The following PCDHA11 variants were observed in gnomAD, a reference collection of about 807,000 sequenced individuals.
PCDHA11 encodes the protein protocadherin alpha-11.
Under a neutral mutation model 70.3 loss-of-function variants are expected in PCDHA11, and 61 were observed. That is an observed-to-expected ratio of 0.87 (90% CI 0.71 to 1.07). PCDHA11 has a LOEUF of 1.07. Ranked by LOEUF, PCDHA11 falls within the 50% of genes least tolerant of loss-of-function variation. PCDHA11 has a pLI of 0.00. For synonymous variants in PCDHA11, 633 were observed against 555.1 expected (o/e 1.14, Z -1.97); for missense variants, 1,324 against 1,237.5 (o/e 1.07, Z -1.05).
At chr5:140,977,448 CTCCTT>C (rs1554238572) in intron 1 of PCDHA11, among the ~76,000 whole-genome samples, 2 of 152,212 alleles carry the variant, frequency 1.3e-5, no homozygotes, top group Non-Finnish European at 2.9e-5. Context: ...ATAATGGAAA[CTCCTT>C]TGATTTGGTC....
Position 140,869,853 on chromosome 5 carries a change from C to T in PCDHA11, c.750C>T (p.Ser250=). 1.2e-6 allele frequency: 2 copies of T among 1,610,606 alleles called. No homozygotes were observed. The highest frequency in any genetic ancestry group is 2.2e-5 in the South Asian group (2 of 90,642). ...TTGATAAATCAGAATATAAGGTGAG[C>T]CTTATGGAAAATGCTGCTAAAGAAA... ...PEFDKSEYKV[S]LMENAAKETL... Residue 250 remains serine (S), a synonymous_variant, in exon 1 of 4, where the codon AGC becomes AGT. Coordinates refer to ENST00000398640, the MANE Select transcript of PCDHA11 (RefSeq NM_018902.5).
At position 140,883,407 on chromosome 5, in the gene PCDHA11, G is replaced by C. The variant is rs2059598150; in HGVS notation, c.2391+11913G>C. On this transcript the variant is annotated intron_variant, in intron 1 of 3. Coordinates refer to ENST00000398640, the MANE Select transcript of PCDHA11 (RefSeq NM_018902.5). The stretch of plus-strand genomic sequence containing the variant: ...ATCAGTGTGTCCGATCGTGACTCTG[G>C]CTCAAATGGACAGGTCACCTGCACC... The C allele has an allele frequency of 1.9e-6, 3 of 1,614,170 alleles. No homozygotes were observed. In the East Asian group the frequency reaches 6.7e-5, roughly 36 times the overall value.
At chr5:140,943,613 C>G (rs1490811039) in intron 1 of PCDHA11, among the ~76,000 whole-genome samples, 1 of 152,026 alleles carries the variant, frequency 6.6e-6, no homozygotes, top group African/African-American at 2.4e-5. Context: ...GACTTTGATT[C>G]ATCTGCATAA....
chr5:140,948,281 T>C (rs1375756050), intron 1 of PCDHA11, among the ~76,000 whole-genome samples: 1 of 151,620 alleles, frequency 6.6e-6, no homozygotes, highest in Non-Finnish European at 1.5e-5. Context: ...TATCTGTAAA[T>C]AATTTTGTAA....
intron 1 of PCDHA11, chr5:140,877,371 G>T: frequency 6.2e-7 from 1 of 1,613,994 alleles, no homozygotes; most frequent in Non-Finnish European, 8.5e-7. Flanking sequence ...AGATCAGCAC[G>T]ACACGCATCC....
Position 140,907,813 on chromosome 5 carries a change from G to A in PCDHA11, c.2391+36319G>A, listed in dbSNP as rs192249919. On this transcript the variant is annotated intron_variant, in intron 1 of 3. Coordinates refer to ENST00000398640, the MANE Select transcript of PCDHA11 (RefSeq NM_018902.5). ...AGAGGCTAAGTGGTGTCCACAGAACGAGTCATCCTATCCACTTGTTTATTA... is the reference window on the plus strand; with the variant it reads ...AGAGGCTAAGTGGTGTCCACAGAACAAGTCATCCTATCCACTTGTTTATTA... Among the ~76,000 whole-genome samples the A allele has an allele frequency of 2.7e-3, 406 of 152,332 alleles. 1 individual carries two copies. The highest frequency in any genetic ancestry group is 9.3e-3 in the African/African-American group (387 of 41,574).
chr5:141,010,432 CAA>C lies in PCDHA11; in HGVS notation c.*497_*498del. The C allele has an allele frequency of 8.5e-6, 9 of 1,056,970 alleles. No individual in the cohort carries two copies. The highest frequency in any genetic ancestry group is 1.2e-5 in the Non-Finnish European group (9 of 756,282). 65.5% of individuals were successfully genotyped at this position (1,056,970 alleles called of 1,614,324 possible). A position where few individuals can be genotyped will look rare whatever the true frequency, so the allele number is the denominator to read the frequency against. On this transcript the variant is annotated 3_prime_UTR_variant, in exon 4 of 4. Coordinates refer to ENST00000398640, the MANE Select transcript of PCDHA11 (RefSeq NM_018902.5). Reference sequence around the variant, plus strand: ...AATTGGTACAAGGAAGGCAAGAAAACAAAGACAAATAAACAGCGGAAGTTATC... The same window carrying C: ...AATTGGTACAAGGAAGGCAAGAAAACAGACAAATAAACAGCGGAAGTTATC...
intron 1 of PCDHA11, chr5:140,876,583 C>T: frequency 1.9e-6 from 3 of 1,614,194 alleles, no homozygotes; most frequent in Non-Finnish European, 2.5e-6. Flanking sequence ...CGTCATTGCC[C>T]TGATTAGCGT....
At chr5:140,971,918 G>A (rs1297848346) in intron 1 of PCDHA11, among the ~76,000 whole-genome samples, 1 of 152,082 alleles carries the variant, frequency 6.6e-6, no homozygotes, top group Non-Finnish European at 1.5e-5. Context: ...CAGCCACACT[G>A]CTAGTGTTAT....
At position 140,982,388 on chromosome 5, in the gene PCDHA11, A is replaced by G. The variant is rs868944535; in HGVS notation, c.2451-87A>G. 32 of 1,592,320 alleles carry G rather than the reference A, an allele frequency of 2.0e-5. 1 individual carries two copies. The Middle Eastern group carries it at 4.6e-3, about 226-fold the overall frequency. Reference sequence around the variant, plus strand: ...ATGTGTTAGCTGCAGCCCTGGCTTCATAGTTGTAAGCAATTTCTGAGGGTG... The same window carrying G: ...ATGTGTTAGCTGCAGCCCTGGCTTCGTAGTTGTAAGCAATTTCTGAGGGTG... On this transcript the variant is annotated intron_variant, in intron 2 of 3. Coordinates refer to ENST00000398640, the MANE Select transcript of PCDHA11 (RefSeq NM_018902.5).
At chr5:141,007,395 C>CAAAAAAAAAAA (rs35800918) in intron 3 of PCDHA11, among the ~76,000 whole-genome samples, 6 of 94,856 alleles carry the variant, frequency 6.3e-5, no homozygotes, top group South Asian at 3.5e-4. Flanking sequence ...TACTAAAATA[C>CAAAAAAAAAAA]AAAAAAAAAA....
At position 141,010,190 on chromosome 5, in the gene PCDHA11, CCTTT is replaced by C. The variant is rs763940360; in HGVS notation, c.*256_*259del. On this transcript the variant is annotated 3_prime_UTR_variant, in exon 4 of 4. Coordinates refer to ENST00000398640, the MANE Select transcript of PCDHA11 (RefSeq NM_018902.5). ...GAACCTAAAAAGCAGACCCAAGTTT[CCTTT>C]CTCCTCCGCCGCAAAGGAGAGGCTT... 6.4e-7 allele frequency: 1 copy of C among 1,552,504 alleles called. No individual in the cohort carries two copies. Among genetic ancestry groups the C allele is most frequent in the Non-Finnish European group, 8.7e-7 (1 of 1,147,234 alleles).
intron 1 of PCDHA11, chr5:140,929,398 A>G: frequency 6.6e-7 from 1 of 1,510,096 alleles, no homozygotes; most frequent in Non-Finnish European, 8.9e-7. Flanking sequence ...AATATTTCTT[A>G]GACAAGCCTT....
chr5:140,870,178 C>A lies in PCDHA11; in HGVS notation c.1075C>A (p.Arg359=), dbSNP rs2051730547. 3.7e-6 allele frequency: 6 copies of A among 1,614,096 alleles called. No homozygotes were observed. Among genetic ancestry groups the A allele is most frequent in the Non-Finnish European group, 5.1e-6 (6 of 1,180,030 alleles). Residue 359 remains arginine (R), a synonymous_variant, in exon 1 of 4, where the codon CGA becomes AGA. Coordinates refer to ENST00000398640, the MANE Select transcript of PCDHA11 (RefSeq NM_018902.5). ...VAVTSLSLPV[R]EDAQPSTVIA... ...CGTGACTTCCTTGTCCCTCCCAGTA[C>A]GAGAGGACGCTCAGCCCAGCACGGT...
At chr5:140,954,512 T>C (rs2095046956) in intron 1 of PCDHA11, among the ~76,000 whole-genome samples, 1 of 152,254 alleles carries the variant, frequency 6.6e-6, no homozygotes, top group Non-Finnish European at 1.5e-5. Flanking sequence ...TGCATTTACC[T>C]AATGATCAGT....
chr5:141,004,461 A>C (rs1160733381), intron 3 of PCDHA11, among the ~76,000 whole-genome samples: 1 of 152,216 alleles, frequency 6.6e-6, no homozygotes, highest in Non-Finnish European at 1.5e-5. Context: ...CAGGAAGCTC[A>C]GTGACATGTT....
intron 1 of PCDHA11, among the ~76,000 whole-genome samples, chr5:140,936,745 T>C (rs2091123001): frequency 6.6e-6 from 1 of 152,234 alleles, no homozygotes; most frequent in Non-Finnish European, 1.5e-5. Context: ...ACTTTTCATT[T>C]GTATTGATAT....
intron 1 of PCDHA11, among the ~76,000 whole-genome samples, chr5:140,899,954 T>C (rs1240765868): frequency 6.6e-6 from 1 of 151,586 alleles, no homozygotes; most frequent in Non-Finnish European, 1.5e-5. Context: ...ACCACAGGCA[T>C]GTGCTGCCAT....
intron 3 of PCDHA11, among the ~76,000 whole-genome samples, chr5:141,000,389 CTCTCTCTATATA>C (rs1270729414): frequency 5.3e-4 from 33 of 62,572 alleles, no homozygotes; most frequent in African/African-American, 2.0e-3. Context: ...CTCTCTCTCT[CTCTCTCTATATA>C]TATATATATA....
Sources: gnomAD v4.1 joint callset for allele counts (sites outside exome capture counted in the v4.1 genomes callset) on GRCh38, gnomAD v4.1.1 for gene constraint, MANE v1.5 for transcripts, NCBI Gene and HGNC (gene_info 2026-07-23, HGNC 2026-07-21) for gene names.